The following RSAD2 variants were observed in gnomAD, a reference collection of about 807,000 sequenced individuals.
The protein encoded by RSAD2 is radical S-adenosyl methionine domain containing 2.
Under a neutral mutation model 37.7 loss-of-function variants are expected in RSAD2, and 38 were observed. The observed-to-expected ratio is 1.01, with a 90% CI of 0.78 to 1.32. The LOEUF is 1.32. Ranked by LOEUF, RSAD2 falls within the 40% of genes most tolerant of loss-of-function variation. The probability of loss-of-function intolerance (pLI) is 0.00; values close to 1 mark genes in which losing one functional copy is unlikely to be tolerated. For missense variants in RSAD2, 428 were observed against 437.5 expected, an observed-to-expected ratio of 0.98 and a Z score of 0.19; for synonymous variants, 163 against 157.4, an observed-to-expected ratio of 1.04 and a Z score of -0.27.
At chr2:6,875,802 G>T (rs1430229807), upstream of RSAD2, among the ~76,000 whole-genome samples, 2 of 152,234 alleles carry the variant, frequency 1.3e-5, no homozygotes, top group African/African-American at 2.4e-5. Flanking sequence ...AGATTATGAA[G>T]ATAATAGTTG....
At chr2:6,884,430 A>G (rs1384939517) in intron 2 of RSAD2, among the ~76,000 whole-genome samples, 1 of 152,210 alleles carries the variant, frequency 6.6e-6, no homozygotes, top group Non-Finnish European at 1.5e-5. Flanking sequence ...TGTCACTCAC[A>G]CAGGGAGTCT....
chr2:6,895,855 A>G lies in RSAD2; in HGVS notation c.999A>G (p.Ile333Met). Residue 333 changes from isoleucine to methionine, a missense_variant, in exon 6 of 6, where the codon ATA (isoleucine) becomes ATG (methionine). Transcript: ENST00000382040. ...TGGATGTTGGTGTAGAAGAAGCTATAAAATTCAGTGGATTTGATGAAAAGA... is the reference window on the plus strand; with the variant it reads ...TGGATGTTGGTGTAGAAGAAGCTATGAAATTCAGTGGATTTGATGAAAAGA... The part of the protein sequence containing the change: ...SILDVGVEEA[I>M]KFSGFDEKMF... The G allele has an allele frequency of 2.5e-6, 4 of 1,614,186 alleles. No individual in the cohort carries two copies. Among genetic ancestry groups the G allele is most frequent in the Non-Finnish European group, 3.4e-6 (4 of 1,180,010 alleles).
intron 1 of RSAD2, among the ~76,000 whole-genome samples, chr2:6,881,600 G>A (rs1663402324): frequency 6.6e-6 from 1 of 152,230 alleles, no homozygotes; most frequent in South Asian, 2.1e-4. Flanking sequence ...GGTGATGTAT[G>A]GTGAGGCCAG....
At chr2:6,872,772 GT>G in intron 1 of RSAD2, among the ~76,000 whole-genome samples, 1 of 152,232 alleles carries the variant, frequency 6.6e-6, no homozygotes, top group South Asian at 2.1e-4. Context: ...TCGTATATGA[GT>G]CTTTCTCAGG....
chr2:6,891,568 C>A (rs1412833657), intron 4 of RSAD2, among the ~76,000 whole-genome samples: 2 of 152,160 alleles, frequency 1.3e-5, no homozygotes, highest in South Asian at 4.1e-4. Flanking sequence ...GAAATCGAGA[C>A]CATCCTGGCT....
chr2:6,868,598 A>T (rs971671751), intron 1 of RSAD2, among the ~76,000 whole-genome samples: 1 of 152,260 alleles, frequency 6.6e-6, no homozygotes, highest in East Asian at 1.9e-4. Flanking sequence ...AGTTTCAGAG[A>T]TCACTTAGTT....
At chr2:6,865,903 G>C (rs1172278079) in exon 1 of RSAD2, 2 of 1,413,626 alleles carry the variant, frequency 1.4e-6, no homozygotes, top group Admixed American at 5.4e-5. Flanking sequence ...CTCGCCGCGA[G>C]ATGTGCGCGA....
Position 6,877,929 on chromosome 2 carries a change from T to G in RSAD2, c.129T>G (p.Ala43=). The G allele has an allele frequency of 6.2e-7, 1 of 1,614,044 alleles. No individual in the cohort carries two copies. Residue 43 remains alanine (A), a synonymous_variant, in exon 1 of 6, where the codon GCT becomes GCG. Transcript: ENST00000382040. ...TGAGGGCAACCTTCTGGCTGCTAGC[T>G]ACCAAGAGGAGAAAGCAGCAGCTGG... ...CWLRATFWLL[A]TKRRKQQLVL...
chr2:6,870,772 T>G (rs1322517125), intron 1 of RSAD2, among the ~76,000 whole-genome samples: 1 of 152,156 alleles, frequency 6.6e-6, no homozygotes, highest in East Asian at 1.9e-4. Context: ...TGCCAGTCTA[T>G]AAGGTTTTGT....
At chr2:6,893,809 C>T in intron 5 of RSAD2, 106 bp downstream of exon 5, 1 of 756,888 alleles carries the variant, frequency 1.3e-6, no homozygotes. Flanking sequence ...ATTTGTCCTT[C>T]TTAATTAGCA....
intron 1 of RSAD2, among the ~76,000 whole-genome samples, chr2:6,880,134 C>T (rs1663369848): frequency 6.6e-6 from 1 of 152,022 alleles, no homozygotes; most frequent in Non-Finnish European, 1.5e-5. Flanking sequence ...AATTGAAATG[C>T]TTACATGATA....
chr2:6,895,735 T>C, intron 5 of RSAD2, 43 bp from the exon 6 acceptor site: 1 of 1,552,588 alleles, frequency 6.4e-7, no homozygotes, highest in Non-Finnish European at 8.8e-7. Context: ...TTTACAGGAT[T>C]CATCACATGG....
intron 1 of RSAD2, among the ~76,000 whole-genome samples, chr2:6,880,190 G>A (rs1572154696): frequency 6.6e-6 from 1 of 152,126 alleles, no homozygotes; most frequent in Non-Finnish European, 1.5e-5. Context: ...GATAATGGAG[G>A]AAAACTATTT....
At chr2:6,868,401 CA>C (rs913688979) in intron 1 of RSAD2, among the ~76,000 whole-genome samples, 2 of 151,944 alleles carry the variant, frequency 1.3e-5, no homozygotes, top group African/African-American at 4.8e-5. Context: ...ACCACAAGTT[CA>C]AAAGGATACC....
intron 1 of RSAD2, among the ~76,000 whole-genome samples, chr2:6,866,813 T>C (rs1339121280): frequency 1.7e-5 from 1 of 57,642 alleles, no homozygotes; most frequent in Admixed American, 2.8e-4. Context: ...TTAGATGAGC[T>C]GAAAGCAGTT....
At chr2:6,874,342 GCAAGA>G (rs1203890574), upstream of RSAD2, among the ~76,000 whole-genome samples, 1 of 152,108 alleles carries the variant, frequency 6.6e-6, no homozygotes, top group African/African-American at 2.4e-5. Flanking sequence ...TTACAGCAAT[GCAAGA>G]ATTGACTAAT....
intron 1 of RSAD2, chr2:6,866,607 A>G: frequency 8.2e-6 from 2 of 245,086 alleles, no homozygotes; most frequent in Non-Finnish European, 1.3e-5. Context: ...CAGCATCAGC[A>G]CTGTTGCTGC....
chr2:6,875,863 G>T (rs540326213), upstream of RSAD2, among the ~76,000 whole-genome samples: 6 of 152,178 alleles, frequency 3.9e-5, no homozygotes, highest in Non-Finnish European at 2.9e-5. Flanking sequence ...CCTAGAAGGA[G>T]CTAGATTAGG....
chr2:6,890,373 G>T, intron 4 of RSAD2, 48 bp downstream of exon 4: 1 of 1,594,888 alleles, frequency 6.3e-7, no homozygotes, highest in South Asian at 1.1e-5. Context: ...CATTCAGATT[G>T]ATTCCCAAAA....
Sources: allele counts gnomAD v4.1 joint callset (sites outside exome capture counted in the v4.1 genomes callset), GRCh38; gene constraint gnomAD v4.1.1; transcripts MANE v1.5; gene names NCBI Gene and HGNC (gene_info 2026-07-23, HGNC 2026-07-21).